TMEM116: variants seen among roughly 807,000 people sequenced by gnomAD.
TMEM116 encodes transmembrane protein 116.
Under a neutral mutation model 44.3 loss-of-function variants are expected in TMEM116, and 38 were observed. That is an observed-to-expected ratio of 0.86 (90% CI 0.66 to 1.12). TMEM116 has a LOEUF of 1.12. Among genes scored for constraint, TMEM116 ranks in the 50% most tolerant of loss-of-function variants. The pLI, the probability that TMEM116 is intolerant of heterozygous loss-of-function variation, is 0.00. For synonymous variants in TMEM116, 132 were observed against 144.8 expected, an observed-to-expected ratio of 0.91 and a Z score of 0.64; for missense variants, 354 against 401.7, an observed-to-expected ratio of 0.88 and a Z score of 1.01.
At chr12:111,957,798 G>C (rs2074262507) in intron 4 of TMEM116, among the ~76,000 whole-genome samples, 1 of 152,218 alleles carries the variant, frequency 6.6e-6, no homozygotes, top group African/African-American at 2.4e-5. Context: ...ATTGAGAACG[G>C]GCCATGATGA....
rs143149920 is a variant in TMEM116 at position 111,984,136 on chromosome 12, A to G, written c.210+7622T>C. Among the ~76,000 whole-genome samples the G allele has an allele frequency of 2.0e-5, 3 of 152,090 alleles. No homozygotes were observed. The East Asian group carries it at 5.8e-4, about 29-fold the overall frequency. On this transcript the variant is annotated intron_variant, in intron 4 of 10. Transcript: ENST00000552374. Reference sequence around the variant, plus strand: ...CAAAATTCAATACCTTTTCATGATTAAAAAAAAGCCCACCCAAAAAAACTC... The same window carrying G: ...CAAAATTCAATACCTTTTCATGATTGAAAAAAAGCCCACCCAAAAAAACTC...
intron 4 of TMEM116, among the ~76,000 whole-genome samples, chr12:111,979,998 C>A (rs1466336389): frequency 6.6e-6 from 1 of 152,128 alleles, no homozygotes; most frequent in Non-Finnish European, 1.5e-5. Context: ...GCGGGTACAG[C>A]CACTTTGGAA....
At chr12:111,955,333 G>A (rs889542786) in intron 4 of TMEM116, among the ~76,000 whole-genome samples, 2 of 152,146 alleles carry the variant, frequency 1.3e-5, no homozygotes, top group African/African-American at 2.4e-5. Context: ...GGGTCTGCGG[G>A]TTGGACCTGG....
At chr12:111,939,398 A>C (rs1243623619) in intron 5 of TMEM116, among the ~76,000 whole-genome samples, 1 of 150,128 alleles carries the variant, frequency 6.7e-6, no homozygotes, top group Non-Finnish European at 1.5e-5. Flanking sequence ...GGTTGCAGTG[A>C]CCAGAGATCA....
rs1455675753 is a variant in TMEM116 at position 111,957,464 on chromosome 12, A to C, written c.211-14095T>G. Among the ~76,000 whole-genome samples the C allele has an allele frequency of 4.4e-4, 60 of 136,310 alleles. No individual in the cohort carries two copies. In the East Asian group the frequency reaches 0.014, roughly 31 times the overall value. 89.4% of individuals were successfully genotyped at this position (136,310 alleles called of 152,430 possible). ...CCCGTCTGGGAAGTGAGGAGCGTCTACGCCCGGCAGCCGCCCCGTCCAGGA... is the reference window on the plus strand; with the variant it reads ...CCCGTCTGGGAAGTGAGGAGCGTCTCCGCCCGGCAGCCGCCCCGTCCAGGA... On this transcript the variant is annotated intron_variant, in intron 4 of 10. Transcript: ENST00000552374.
At position 111,946,609 on chromosome 12, in the gene TMEM116, G is replaced by A. The variant is rs531616092; in HGVS notation, c.211-3240C>T. On this transcript the variant is annotated intron_variant, in intron 4 of 10. Transcript: ENST00000552374. ...TTCCAGTAAACCCACAACCTTCAGC[G>A]TGGGCGTCATGGCCATCACAAACAT... Among the ~76,000 whole-genome samples the A allele has an allele frequency of 7.2e-5, 11 of 152,300 alleles. No homozygotes were observed. The South Asian group carries it at 1.0e-3, about 14-fold the overall frequency.
intron 10 of TMEM116, 116 bp downstream of exon 10, chr12:111,932,470 C>G (rs974649862): frequency 3.7e-6 from 3 of 814,050 alleles, no homozygotes; most frequent in Non-Finnish European, 4.0e-6. Context: ...TACATTTTCT[C>G]TTTTGCAATG....
intron 4 of TMEM116, among the ~76,000 whole-genome samples, chr12:111,962,677 A>C (rs972674172): frequency 6.6e-6 from 1 of 152,250 alleles, no homozygotes; most frequent in African/African-American, 2.4e-5. Context: ...AGATGGATTA[A>C]AGACTTAAAC....
intron 1 of TMEM116, chr12:112,012,580 G>C (rs1332270500): frequency 6.6e-6 from 1 of 152,488 alleles, no homozygotes; most frequent in African/African-American, 2.4e-5. Flanking sequence ...CGCCCAGCCG[G>C]AATAATATTT....
chr12:111,934,067 G>A (rs747316372), intron 8 of TMEM116, 37 bp from the exon 9 acceptor site: 3 of 1,609,342 alleles, frequency 1.9e-6, no homozygotes, highest in Non-Finnish European at 2.5e-6. Flanking sequence ...TTTGCTTAAA[G>A]CTTAGTAAAA....
chr12:111,981,606 T>C (rs1227853658), intron 4 of TMEM116, among the ~76,000 whole-genome samples: 2 of 152,136 alleles, frequency 1.3e-5, no homozygotes, highest in African/African-American at 4.8e-5. Context: ...CAAAAGTACT[T>C]AGAGGCAAAT....
rs114420385 is a variant in TMEM116 at position 112,005,907 on chromosome 12, A to C, written c.-33-604T>G. On this transcript the variant is annotated intron_variant, in intron 1 of 10. Coordinates refer to ENST00000552374, the MANE Select transcript of TMEM116 (RefSeq NM_001193531.2). ...AAAAATGCAGAACAGGAAAGAAGAA[A>C]GGGAAAATACAAAGGAAGACAGGGA... is the stretch of plus-strand genomic sequence containing the variant. 2,751 of 981,822 alleles carry C rather than the reference A, an allele frequency of 2.8e-3. 69 individuals are homozygous for C. The African/African-American group carries it at 0.046, about 16-fold the overall frequency. The allele number at this position is 981,822 out of a possible 1,614,324, so 60.8% of individuals were successfully genotyped here.
At chr12:111,975,080 A>C (rs1275711315) in intron 4 of TMEM116, among the ~76,000 whole-genome samples, 4 of 152,238 alleles carry the variant, frequency 2.6e-5, no homozygotes, top group African/African-American at 9.6e-5. Flanking sequence ...ATCTCTCCAA[A>C]TTGATATACA....
chr12:112,002,152 A>G (rs903835480), intron 3 of TMEM116, among the ~76,000 whole-genome samples: 2 of 152,166 alleles, frequency 1.3e-5, no homozygotes, highest in African/African-American at 4.8e-5. Flanking sequence ...TATAATTAAG[A>G]GTATTGACTT....
intron 2 of TMEM116, among the ~76,000 whole-genome samples, chr12:112,004,125 T>C (rs550549904): frequency 6.6e-6 from 1 of 151,718 alleles, no homozygotes; most frequent in African/African-American, 2.4e-5. Context: ...GGACTATAGG[T>C]GTGAATCACC....
intron 4 of TMEM116, among the ~76,000 whole-genome samples, chr12:111,967,366 A>T (rs2075039835): frequency 6.6e-6 from 1 of 152,116 alleles, no homozygotes; most frequent in South Asian, 2.1e-4. Context: ...TGTGGACCTC[A>T]ATTTAAAGAA....
At chr12:111,973,547 G>A (rs2075486812) in intron 4 of TMEM116, among the ~76,000 whole-genome samples, 1 of 152,198 alleles carries the variant, frequency 6.6e-6, no homozygotes, top group African/African-American at 2.4e-5. Context: ...GTAGCAATTT[G>A]TAGCATTAAA....
Position 111,942,148 on chromosome 12 carries a change from G to T in TMEM116, c.315+1117C>A, listed in dbSNP as rs539331336. ...AGACGGGGTTTCTCCATATTAGTCA[G>T]GCTGGTCTCAAACTCCTGACCTCAG... On this transcript the variant is annotated intron_variant, in intron 5 of 10. Coordinates refer to ENST00000552374, the MANE Select transcript of TMEM116 (RefSeq NM_001193531.2). 1.1e-3 allele frequency among the ~76,000 whole-genome samples: 174 copies of T among 152,100 alleles called. 1 individual carries two copies. Among genetic ancestry groups the T allele is most frequent in the African/African-American group, 3.9e-3 (163 of 41,504 alleles).
intron 3 of TMEM116, among the ~76,000 whole-genome samples, chr12:111,999,921 T>C (rs999016905): frequency 1.3e-5 from 2 of 152,204 alleles, no homozygotes; most frequent in African/African-American, 2.4e-5. Flanking sequence ...TATAGTTTAA[T>C]TGTGACTGTT....
Sources: gnomAD v4.1 joint callset for allele counts (sites outside exome capture counted in the v4.1 genomes callset) on GRCh38, gnomAD v4.1.1 for gene constraint, MANE v1.5 for transcripts, NCBI Gene and HGNC (gene_info 2026-07-23, HGNC 2026-07-21) for gene names.